APBB1: variants seen among roughly 807,000 people sequenced by gnomAD.
The protein encoded by APBB1 is amyloid beta precursor protein binding family B member 1, also known as adaptor protein FE65a2.
Under a neutral mutation model 78.4 loss-of-function variants are expected in APBB1, and 22 were observed. The observed-to-expected ratio is 0.28, with a 90% CI of 0.20 to 0.40. APBB1 has a LOEUF of 0.40. Among genes scored for constraint, APBB1 ranks in the 10% least tolerant of loss-of-function variants. The pLI, the probability that APBB1 is intolerant of heterozygous loss-of-function variation, is 1.00. For synonymous variants in APBB1, 369 were observed against 372.7 expected (o/e 0.99, Z 0.12); for missense variants, 749 against 932.4 (o/e 0.80, Z 2.56).
At chr11:6,405,195 C>T (rs1848749278) in intron 2 of APBB1, 1 of 1,113,024 alleles carries the variant, frequency 9.0e-7, no homozygotes, top group South Asian at 3.0e-5. Flanking sequence ...AAGGAATACC[C>T]CAGCTGCCTG....
chr11:6,419,196 C>A (rs1351644284), upstream of APBB1: 10 of 314,742 alleles, frequency 3.2e-5, no homozygotes, highest in Admixed American at 3.0e-4. Context: ...CGGCACTTGC[C>A]GCAGCTTCTT....
In APBB1 at chr11:6,412,838, T is replaced by G. The variant is rs1338080243; in HGVS notation, c.-14-1477A>C. Among the ~76,000 whole-genome samples the G allele has an allele frequency of 3.5e-4, 54 of 152,124 alleles. 1 individual carries two copies. Among genetic ancestry groups the G allele is most frequent in the Non-Finnish European group, 5.9e-5 (4 of 68,034 alleles). ...AACACTTTGGTTACGTTACTATGCCTTATGGTGCCCCAAACAAACTCCACC... is the reference window on the plus strand; with the variant it reads ...AACACTTTGGTTACGTTACTATGCCGTATGGTGCCCCAAACAAACTCCACC... On this transcript the variant is annotated intron_variant, in intron 1 of 14. Coordinates refer to ENST00000609360, the MANE Select transcript of APBB1 (RefSeq NM_001164.5).
At chr11:6,418,770 C>A (rs1436474023) in intron 1 of APBB1, among the ~76,000 whole-genome samples, 3 of 152,104 alleles carry the variant, frequency 2.0e-5, no homozygotes, top group African/African-American at 4.8e-5. Flanking sequence ...AGGTAAAGGG[C>A]AGCGGAAGGG....
chr11:6,397,000 C>T (rs1848267303), intron 12 of APBB1, among the ~76,000 whole-genome samples: 1 of 152,260 alleles, frequency 6.6e-6, no homozygotes, highest in African/African-American at 2.4e-5. Flanking sequence ...CCTTATAACA[C>T]ATGGCCTCCT....
At chr11:6,407,178 T>C (rs1048760464) in intron 2 of APBB1, among the ~76,000 whole-genome samples, 1 of 152,140 alleles carries the variant, frequency 6.6e-6, no homozygotes, top group Non-Finnish European at 1.5e-5. Context: ...AGCAACACAG[T>C]TGTAAAAGAG....
intron 1 of APBB1, among the ~76,000 whole-genome samples, chr11:6,412,454 C>A (rs189408512): frequency 2.6e-5 from 4 of 152,252 alleles, no homozygotes; most frequent in South Asian, 2.1e-4. Flanking sequence ...TCCGGCCCAG[C>A]CTTTCAGATC....
At chr11:6,409,063 A>C (rs1478295559) in intron 2 of APBB1, among the ~76,000 whole-genome samples, 1 of 152,100 alleles carries the variant, frequency 6.6e-6, no homozygotes, top group Non-Finnish European at 1.5e-5. Flanking sequence ...CAGAAATGCA[A>C]AAGTAAACTG....
intron 2 of APBB1, chr11:6,404,659 C>T: frequency 6.5e-7 from 1 of 1,536,176 alleles, no homozygotes; most frequent in East Asian, 2.4e-5. Flanking sequence ...ACCACTCCAA[C>T]CCTGTAACCC....
Position 6,401,232 on chromosome 11 carries a change from G to A in APBB1, c.1588+113C>T, listed in dbSNP as rs1252360697. The A allele has an allele frequency of 6.2e-7, 1 of 1,610,622 alleles. No homozygotes were observed. Among genetic ancestry groups the A allele is most frequent in the Admixed American group, 1.7e-5 (1 of 59,226 alleles). On this transcript the variant is annotated intron_variant, in intron 11 of 14. Coordinates refer to ENST00000609360, the MANE Select transcript of APBB1 (RefSeq NM_001164.5). This position sits in a 1 kb window ranked among gnomAD's most constrained non-coding sequence, Gnocchi z 4.5. ...GTCCCTCCACGTATTGGAGTATTCA[G>A]TCTTCATGTGTTCATTTTTCTATCA...
chr11:6,413,947 A>G (rs1342457354), intron 1 of APBB1, among the ~76,000 whole-genome samples: 1 of 152,156 alleles, frequency 6.6e-6, no homozygotes, highest in Non-Finnish European at 1.5e-5. Flanking sequence ...ATAAATGAAG[A>G]AAAAAATAGC....
At chr11:6,400,528 C>A (rs1324416662) in intron 12 of APBB1, among the ~76,000 whole-genome samples, 3 of 136,990 alleles carry the variant, frequency 2.2e-5, no homozygotes, top group Non-Finnish European at 4.6e-5. Context: ...GCGGACAGAG[C>A]GAGACTTGTC....
chr11:6,402,120 G>C lies in APBB1; in HGVS notation c.1344C>G (p.Ile448Met), dbSNP rs764107827. 1.9e-6 allele frequency: 3 copies of C among 1,614,152 alleles called. No homozygotes were observed. The Admixed American group carries it at 5.0e-5, about 27-fold the overall frequency. ...SQALLHAQPI[I>M]SIRVWGVGRD... Reference sequence around the variant, plus strand: ...GCCCGACGCCCCACACGCGGATGCTGATGATGGGTTGGGCGTGCAGCAGTG... The same window carrying C: ...GCCCGACGCCCCACACGCGGATGCTCATGATGGGTTGGGCGTGCAGCAGTG... The change falls in exon 8 of 15, where the codon ATC becomes ATG. Residue 448 changes from isoleucine (I) to methionine (M), a missense_variant. By Grantham distance (10) the Ile-to-Met change is conservative. Coordinates refer to ENST00000609360, the MANE Select transcript of APBB1 (RefSeq NM_001164.5).
In APBB1 at chr11:6,410,832, G is replaced by GTCC. The variant is rs768321577; in HGVS notation, c.513_515dup (p.Glu171dup). 17 of 1,613,778 alleles carry GTCC rather than the reference G, an allele frequency of 1.1e-5. No homozygotes were observed. The highest frequency in any genetic ancestry group is 1.4e-5 in the Non-Finnish European group (16 of 1,179,818). On this transcript the variant is annotated inframe_insertion, in exon 2 of 15. Transcript: ENST00000609360. ...CAGGCAGCCCTGGGGGAGAAGATAA[G>GTCC]TCCTCCTCCTCCTCTTCATCATCAT...
At chr11:6,408,218 T>G (rs938320366) in intron 2 of APBB1, among the ~76,000 whole-genome samples, 5 of 152,206 alleles carry the variant, frequency 3.3e-5, no homozygotes, top group African/African-American at 1.2e-4. Flanking sequence ...ATGGTAAATA[T>G]GACCACAGGA....
intron 1 of APBB1, among the ~76,000 whole-genome samples, chr11:6,418,165 A>C (rs1439193106): frequency 6.6e-6 from 1 of 152,224 alleles, no homozygotes; most frequent in East Asian, 1.9e-4. Flanking sequence ...TGAGAAGAGC[A>C]GACAATGCTG....
intron 2 of APBB1, chr11:6,404,079 G>C (rs933494900): frequency 2.3e-6 from 1 of 430,710 alleles, no homozygotes. Context: ...GAGGAAGGCA[G>C]GGAGGGAAGA....
At chr11:6,415,015 A>T (rs1326542832) in intron 1 of APBB1, among the ~76,000 whole-genome samples, 1 of 152,240 alleles carries the variant, frequency 6.6e-6, no homozygotes, top group Non-Finnish European at 1.5e-5. Context: ...AGGAAGTATT[A>T]GAGGAAGAAT....
Position 6,401,750 on chromosome 11 carries a change from C to T in APBB1, c.1389-62G>A. The T allele has an allele frequency of 6.3e-7, 1 of 1,580,352 alleles. No homozygotes were observed. Among genetic ancestry groups the T allele is most frequent in the Non-Finnish European group, 8.7e-7 (1 of 1,150,392 alleles). On this transcript the variant is annotated intron_variant, in intron 9 of 14. Transcript: ENST00000609360. This position sits in a 1 kb window ranked among gnomAD's most constrained non-coding sequence, Gnocchi z 4.5. ...CATCCAGTGCTGAGCCTGGTCCCCA[C>T]CCCACCCACGTCCTCCCTGCCCATC...
intron 12 of APBB1, among the ~76,000 whole-genome samples, chr11:6,397,262 C>G (rs1331945714): frequency 6.6e-6 from 1 of 152,264 alleles, no homozygotes; most frequent in African/African-American, 2.4e-5. Context: ...CACGTGGACT[C>G]TTTTGGGCAG....
Sources: gnomAD v4.1 joint callset for allele counts (sites outside exome capture counted in the v4.1 genomes callset) on GRCh38, gnomAD v4.1.1 for gene constraint, Gnocchi (gnomAD v3.1) non-coding constraint, MANE v1.5 for transcripts, NCBI Gene and HGNC (gene_info 2026-07-23, HGNC 2026-07-21) for gene names.